CSMD1: variants seen among roughly 807,000 people sequenced by gnomAD.
CSMD1 encodes CUB and Sushi multiple domains 1, also known as CUB and sushi domain-containing protein 1.
CSMD1 carries 213 observed loss-of-function variants against 417.5 expected under a neutral mutation model. The observed-to-expected ratio is 0.51, with a 90% confidence interval of 0.46 to 0.57. The LOEUF is 0.57. CSMD1 is among the 20% of genes least tolerant of loss of function. The probability of loss-of-function intolerance (pLI) is 0.00; values close to 1 mark genes in which losing one functional copy is unlikely to be tolerated. For synonymous variants in CSMD1, 2,862 were observed against 1,736.8 expected (o/e 1.65, Z -16.11); for missense variants, 6,923 against 4,529.7 (o/e 1.53, Z -15.17).
chr8:4,492,113 T>C (rs556673014), intron 2 of CSMD1, among the ~76,000 whole-genome samples: 1 of 152,344 alleles, frequency 6.6e-6, no homozygotes, highest in Admixed American at 6.5e-5. Flanking sequence ...TTATTCTTTT[T>C]AGATACAGGG....
chr8:3,422,716 C>T (rs1268174645), intron 12 of CSMD1, among the ~76,000 whole-genome samples: 1 of 152,146 alleles, frequency 6.6e-6, no homozygotes, highest in Non-Finnish European at 1.5e-5. Flanking sequence ...TCTTAGTCCC[C>T]TTGTGCTGCG....
Position 3,083,647 on chromosome 8 carries a change from T to C in CSMD1, c.7474+3450A>G, listed in dbSNP as rs1484989407. Among the ~76,000 whole-genome samples, 3 of 27,116 alleles carry C rather than the reference T, an allele frequency of 1.1e-4. No individual in the cohort carries two copies. The Admixed American group carries it at 2.1e-3, about 19-fold the overall frequency. 17.8% of individuals were successfully genotyped at this position (27,116 alleles called of 152,430 possible). A position where few individuals can be genotyped will look rare whatever the true frequency, so the allele number is the denominator to read the frequency against. On this transcript the variant is annotated intron_variant, in intron 49 of 69. Transcript: ENST00000635120. ...ATATATATATATATATATATATATA[T>C]ATTTTTTTTTTTTTTTTTTTTTTTT...
At chr8:3,848,209 G>C (rs1803644611) in intron 5 of CSMD1, among the ~76,000 whole-genome samples, 1 of 152,144 alleles carries the variant, frequency 6.6e-6, no homozygotes, top group Admixed American at 6.5e-5. Context: ...ACAATCAGAA[G>C]TTGTCAGGAC....
At chr8:4,451,247 C>T (rs990730491) in intron 2 of CSMD1, among the ~76,000 whole-genome samples, 2 of 152,140 alleles carry the variant, frequency 1.3e-5, no homozygotes, top group Non-Finnish European at 2.9e-5. Flanking sequence ...GGGAAGATGG[C>T]TTGAGCCCAG....
intron 7 of CSMD1, among the ~76,000 whole-genome samples, chr8:3,631,499 C>T (rs551112003): frequency 1.3e-3 from 198 of 152,218 alleles, no homozygotes; most frequent in Non-Finnish European, 2.2e-3. Flanking sequence ...GCAGATAGGC[C>T]GGGAATAGCT....
chr8:4,261,064 G>A (rs1322421173), intron 3 of CSMD1, among the ~76,000 whole-genome samples: 1 of 152,058 alleles, frequency 6.6e-6, no homozygotes, highest in Non-Finnish European at 1.5e-5. Context: ...TAGGATTCCG[G>A]ATACCTTGTT....
intron 1 of CSMD1, among the ~76,000 whole-genome samples, chr8:4,765,472 A>G (rs75926024): frequency 0.01 from 1,598 of 152,338 alleles, 12 homozygotes; most frequent in East Asian, 0.053. Flanking sequence ...TTCAGTTCAA[A>G]AAGTGTTTGC....
chr8:3,352,908 C>T (rs1214998220), intron 21 of CSMD1, among the ~76,000 whole-genome samples: 1 of 151,930 alleles, frequency 6.6e-6, no homozygotes. Context: ...TATAACAAAA[C>T]AAAAAACACA....
At chr8:4,059,081 T>A (rs554571676) in intron 3 of CSMD1, among the ~76,000 whole-genome samples, 1 of 152,124 alleles carries the variant, frequency 6.6e-6, no homozygotes, top group African/African-American at 2.4e-5. Context: ...ACAGAAATTA[T>A]AACAAACTGT....
At chr8:4,365,480 A>G (rs184194960) in intron 3 of CSMD1, among the ~76,000 whole-genome samples, 146 of 152,316 alleles carry the variant, frequency 9.6e-4, no homozygotes, top group Non-Finnish European at 2.0e-3. Flanking sequence ...CTCCAAGTCT[A>G]CTGGCCTTAG....
intron 10 of CSMD1, among the ~76,000 whole-genome samples, chr8:3,562,938 C>G (rs367721221): frequency 1.3e-5 from 2 of 151,758 alleles, no homozygotes; most frequent in East Asian, 1.9e-4. Flanking sequence ...AAAAACCAAA[C>G]CATCCATTTA....
intron 3 of CSMD1, among the ~76,000 whole-genome samples, chr8:4,359,987 T>C (rs1563092347): frequency 6.6e-6 from 1 of 152,218 alleles, no homozygotes; most frequent in Non-Finnish European, 1.5e-5. Context: ...ATTAGCCAAA[T>C]GCCACTGCCA....
intron 1 of CSMD1, among the ~76,000 whole-genome samples, chr8:4,755,537 A>G (rs1228867968): frequency 1.3e-5 from 2 of 152,074 alleles, no homozygotes; most frequent in African/African-American, 4.8e-5. Flanking sequence ...TGTCTTATAC[A>G]CCTGTCCTGA....
intron 3 of CSMD1, among the ~76,000 whole-genome samples, chr8:4,227,559 T>A (rs987733248): frequency 6.6e-6 from 1 of 152,020 alleles, no homozygotes; most frequent in Non-Finnish European, 1.5e-5. Flanking sequence ...CCAGGAAGCA[T>A]AATTATTCAG....
At chr8:3,527,587 T>TACAC (rs150049730) in intron 10 of CSMD1, among the ~76,000 whole-genome samples, 3 of 151,012 alleles carry the variant, frequency 2.0e-5, no homozygotes, top group Non-Finnish European at 3.0e-5. Flanking sequence ...CAGAACTCTA[T>TACAC]ACACACACAC....
chr8:3,633,979 A>C (rs1796910528), intron 7 of CSMD1, among the ~76,000 whole-genome samples: 1 of 150,996 alleles, frequency 6.6e-6, no homozygotes, highest in Non-Finnish European at 1.5e-5. Context: ...GAAGATGAAT[A>C]TGCATGACCC....
At chr8:3,140,299 G>C (rs552916911) in intron 41 of CSMD1, among the ~76,000 whole-genome samples, 1 of 151,750 alleles carries the variant, frequency 6.6e-6, no homozygotes, top group Non-Finnish European at 1.5e-5. Flanking sequence ...TATCCATTTT[G>C]TTGTGGGAAG....
At chr8:3,209,404 T>C (rs1797478589) in intron 30 of CSMD1, among the ~76,000 whole-genome samples, 1 of 152,018 alleles carries the variant, frequency 6.6e-6, no homozygotes, top group Non-Finnish European at 1.5e-5. Flanking sequence ...GCAAGTTCCA[T>C]CTCCCGGGTT....
intron 1 of CSMD1, among the ~76,000 whole-genome samples, chr8:4,663,043 G>C (rs1189584390): frequency 6.6e-6 from 1 of 152,128 alleles, no homozygotes; most frequent in Non-Finnish European, 1.5e-5. Flanking sequence ...TTCCAGCCCA[G>C]AGCTGACTAA....
Sources: allele counts gnomAD v4.1 joint callset (sites outside exome capture counted in the v4.1 genomes callset), GRCh38; gene constraint gnomAD v4.1.1; transcripts MANE v1.5; gene names NCBI Gene and HGNC (gene_info 2026-07-23, HGNC 2026-07-21).